The following SGSH variants were observed in gnomAD, a reference collection of about 807,000 sequenced individuals.
The protein encoded by SGSH is heparan sulfate sulfatase.
A neutral mutation model predicts 51.0 loss-of-function variants in SGSH; 48 were observed. The ratio of observed to expected loss-of-function variants is 0.94; its 90% CI spans 0.75 to 1.20. The LOEUF is 1.20. SGSH is among the 50% of genes most tolerant of loss of function. The pLI is 0.00. For missense variants in SGSH, 662 were observed against 717.8 expected, an observed-to-expected ratio of 0.92 and a Z score of 0.89; for synonymous variants, 321 against 313.4, an observed-to-expected ratio of 1.02 and a Z score of -0.26.
At chr17:80,211,618 A>C (rs1312705348) in intron 7 of SGSH, 1 of 303,382 alleles carries the variant, frequency 3.3e-6, no homozygotes, top group Non-Finnish European at 6.4e-6. Flanking sequence ...GTCCCCCAGG[A>C]AGGCAGGATG....
downstream of SGSH, chr17:80,202,058 G>A: frequency 8.3e-7 from 1 of 1,207,776 alleles, no homozygotes. Flanking sequence ...ACTGACTCCA[G>A]TGCCAGAGCA....
In SGSH at chr17:80,215,037, G is replaced by A. The variant is rs747892803; in HGVS notation, c.351C>T (p.Arg117=). The A allele has an allele frequency of 4.3e-6, 7 of 1,609,842 alleles. No homozygotes were observed. The highest frequency in any genetic ancestry group is 5.9e-6 in the Non-Finnish European group (7 of 1,179,444). Residue 117 remains arginine (R), a synonymous_variant, in exon 3 of 8, where the codon CGC becomes CGT. Coordinates refer to ENST00000326317, the MANE Select transcript of SGSH (RefSeq NM_000199.5). The part of the protein sequence containing the change: ...LPLLLSQAGV[R]TGIIGKKHVG... ...TCCTCGGCACGGGGTCCTCACCTGT[G>A]CGCACACCAGCTTGGCTGAGCAGCA...
At position 80,209,549 on chromosome 17, in the gene SGSH, AGAGGACGGGCATC is replaced by A. The variant is rs1274898496; in HGVS notation, c.*890_*902del. ...CGTCATCCAAGAATTAACCCAAGCC[AGAGGACGGGCATC>A]GCCACCCAGCAACGCCAGTGTCACC... On this transcript the variant is annotated 3_prime_UTR_variant, in exon 8 of 8. Transcript: ENST00000326317. 2 of 985,170 alleles carry A rather than the reference AGAGGACGGGCATC, an allele frequency of 2.0e-6. No homozygotes were observed. The highest frequency in any genetic ancestry group is 3.5e-5 in the African/African-American group (2 of 57,168). The allele number at this position is 985,170 out of a possible 1,614,324, so 61.0% of individuals were successfully genotyped here.
At chr17:80,206,926 G>T (rs1437126045), downstream of SGSH, 1 of 1,469,298 alleles carries the variant, frequency 6.8e-7, no homozygotes, top group Admixed American at 1.7e-5. Context: ...TGCTTCCTCT[G>T]AGGCCTGTGA....
chr17:80,203,832 C>T, downstream of SGSH: 1 of 1,582,138 alleles, frequency 6.3e-7, no homozygotes, highest in Non-Finnish European at 8.6e-7. This position sits in a 1 kb window ranked among gnomAD's most constrained non-coding sequence, Gnocchi z 4.6. Context: ...GGCTCAGCAG[C>T]AGCTCATAGC....
At position 80,215,155 on chromosome 17, in the gene SGSH, A is replaced by G. The variant is rs765488698; in HGVS notation, c.250-17T>C. ...ATTCTGATGCTGCCAGCAAAGGCGC[A>G]TGAGGTCCGGGGCCCCCGGACAGCC... On this transcript the variant is annotated splice_polypyrimidine_tract_variant and intron_variant, in intron 2 of 7. Transcript: ENST00000326317. The G allele has an allele frequency of 7.5e-6, 12 of 1,600,784 alleles. No homozygotes were observed. Among genetic ancestry groups the G allele is most frequent in the East Asian group, 2.2e-5 (1 of 44,766 alleles).
chr17:80,211,848 G>C lies in SGSH; in HGVS notation c.949+223C>G, dbSNP rs986472001. ...TTTGAAAGCAGCAGGATCCAGGCGA[G>C]AATCCTAGCTTAGTGCTTACCAGCT... On this transcript the variant is annotated intron_variant, in intron 7 of 7. Transcript: ENST00000326317. 7 of 594,008 alleles carry C rather than the reference G, an allele frequency of 1.2e-5. No individual in the cohort carries two copies. In the African/African-American group the frequency reaches 1.3e-4, roughly 11 times the overall value. 36.8% of individuals were successfully genotyped at this position (594,008 alleles called of 1,614,324 possible).
chr17:80,208,228 A>G (rs1459505898), downstream of SGSH: 2 of 1,569,616 alleles, frequency 1.3e-6, no homozygotes, highest in Admixed American at 1.9e-5. Flanking sequence ...CGCCCTGTCT[A>G]TACAGCAGCC....
At chr17:80,200,739 C>G in the SGSH span, 2 of 156,542 alleles carry the variant, frequency 1.3e-5, no homozygotes, top group Non-Finnish European at 2.8e-5. Context: ...ATACACTGAA[C>G]CATAATTCAG....
downstream of SGSH, chr17:80,206,869 C>A (rs1352450410): frequency 4.4e-6 from 3 of 684,912 alleles, no homozygotes; most frequent in Admixed American, 8.7e-5. Flanking sequence ...CCTGCCCTGC[C>A]CTCAGCCTGT....
chr17:80,201,988 CA>C, downstream of SGSH: 1 of 1,393,992 alleles, frequency 7.2e-7, no homozygotes, highest in South Asian at 1.4e-5. The surrounding 1 kb of genome is among the most constrained non-coding windows in gnomAD (Gnocchi z 5.0). Flanking sequence ...AAGAGAGGAT[CA>C]GCCAGGCTGT....
chr17:80,204,229 A>G, downstream of SGSH: 1 of 1,586,078 alleles, frequency 6.3e-7, no homozygotes, highest in Non-Finnish European at 8.6e-7. Context: ...TCCTTTAGCC[A>G]TCTTCTGGGG....
intron 1 of SGSH, among the ~76,000 whole-genome samples, chr17:80,219,065 C>A (rs778575119): frequency 7.1e-6 from 1 of 140,766 alleles, no homozygotes; most frequent in Non-Finnish European, 1.5e-5. Context: ...GAGGCTGAGG[C>A]AGGAGGATCG....
Position 80,214,253 on chromosome 17 carries a change from A to T in SGSH, c.582T>A (p.Cys194Ter), listed in dbSNP as rs1555621659. ...GHSQPQYGTF[C>*]EKFGNGESGM... ...CGCTCTCTCCGTTGCCAAACTTCTC[A>T]CAGAAGGTTCCGTACTGGGGCTGGG... Residue 194 changes from cysteine to a stop codon, truncating the protein, a stop_gained, in exon 5 of 8, where the codon TGT becomes TGA. Transcript: ENST00000326317. LOFTEE classifies it high-confidence loss of function. 10 of 1,613,114 alleles carry T rather than the reference A, an allele frequency of 6.2e-6. No individual in the cohort carries two copies. The highest frequency in any genetic ancestry group is 2.7e-5 in the African/African-American group (2 of 74,912).
At chr17:80,201,782 C>A, downstream of SGSH, 3 of 1,614,042 alleles carry the variant, frequency 1.9e-6, no homozygotes, top group African/African-American at 1.3e-5. The surrounding 1 kb of genome is among the most constrained non-coding windows in gnomAD (Gnocchi z 5.0). Flanking sequence ...TCAAGGCAGT[C>A]CTGGAGGACA....
chr17:80,202,355 C>T, downstream of SGSH: 1 of 1,613,470 alleles, frequency 6.2e-7, no homozygotes, highest in Non-Finnish European at 8.5e-7. Flanking sequence ...GCTGGCATGC[C>T]CACCGCGTGA....
At position 80,212,194 on chromosome 17, in the gene SGSH, T is replaced by C. The variant is rs1286651600; in HGVS notation, c.826A>G (p.Ile276Val). The C allele has an allele frequency of 6.2e-7, 1 of 1,613,430 alleles. No homozygotes were observed. Among genetic ancestry groups the C allele is most frequent in the Non-Finnish European group, 8.5e-7 (1 of 1,179,998 alleles). ...TTGGTCCTGCCGCTGGGGAAGGGGATCCCGTTGTCGGACGTGAAGATCACC... is the reference window on the plus strand; with the variant it reads ...TTGGTCCTGCCGCTGGGGAAGGGGACCCCGTTGTCGGACGTGAAGATCACC... ...TLVIFTSDNG[I>V]PFPSGRTNLY... Residue 276 changes from isoleucine (I) to valine (V), a missense_variant, in exon 7 of 8, where the codon ATC (isoleucine) becomes GTC (valine). Coordinates refer to ENST00000326317, the MANE Select transcript of SGSH (RefSeq NM_000199.5). This position sits in a 1 kb window ranked among gnomAD's most constrained non-coding sequence, Gnocchi z 5.9.
downstream of SGSH, chr17:80,208,191 G>C: frequency 6.4e-7 from 1 of 1,552,392 alleles, no homozygotes; most frequent in Admixed American, 2.0e-5. Context: ...GAGGCTGCGA[G>C]GCAGGAGGAG....
At chr17:80,220,087 G>A (rs1159116925) in intron 1 of SGSH, 139 bp downstream of exon 1, 7 of 598,276 alleles carry the variant, frequency 1.2e-5, no homozygotes, top group East Asian at 3.3e-5. Flanking sequence ...GCACAGAGAG[G>A]AGGACGAGAG....
Sources: allele counts gnomAD v4.1 joint callset (sites outside exome capture counted in the v4.1 genomes callset), GRCh38; gene constraint gnomAD v4.1.1; non-coding constraint Gnocchi (gnomAD v3.1); transcripts MANE v1.5; gene names NCBI Gene and HGNC (gene_info 2026-07-23, HGNC 2026-07-21).